Variants in ANKS1B observed in about 807,000 individuals in gnomAD.
ANKS1B encodes the protein ankyrin repeat and sterile alpha motif domain-containing protein 1B.
In ANKS1B, 36 loss-of-function variants were observed where a neutral mutation model predicts 148.3. That is an observed-to-expected ratio of 0.24 (90% CI 0.19 to 0.32). The LOEUF is 0.32. ANKS1B is among the 10% of genes least tolerant of loss of function. The pLI is 1.00. For synonymous variants in ANKS1B, 542 were observed against 560.8 expected, an observed-to-expected ratio of 0.97 and a Z score of 0.47; for missense variants, 1,157 against 1,542.6, an observed-to-expected ratio of 0.75 and a Z score of 4.19.
At chr12:99,688,791 T>C (rs975910316) in intron 8 of ANKS1B, among the ~76,000 whole-genome samples, 1 of 151,882 alleles carries the variant, frequency 6.6e-6, no homozygotes, top group Non-Finnish European at 1.5e-5. Context: ...CAGTGAGCTA[T>C]GATTGCACCA....
At chr12:99,775,996 C>T (rs910446574) in intron 6 of ANKS1B, among the ~76,000 whole-genome samples, 1 of 152,138 alleles carries the variant, frequency 6.6e-6, no homozygotes, top group African/African-American at 2.4e-5. Context: ...TATTTTCCAT[C>T]TGAAGATTTT....
intron 17 of ANKS1B, among the ~76,000 whole-genome samples, chr12:98,907,716 G>A (rs1461197724): frequency 2.6e-5 from 4 of 152,146 alleles, no homozygotes; most frequent in African/African-American, 9.7e-5. Flanking sequence ...ATCTCATCTT[G>A]AATTGTAGCT....
intron 1 of ANKS1B, among the ~76,000 whole-genome samples, chr12:99,918,935 A>G (rs3844212): frequency 0.61 from 92,178 of 151,974 alleles, 29,116 homozygotes; most frequent in Middle Eastern, 0.7. Flanking sequence ...GCATTTTTGA[A>G]CAACAGTTAA....
intron 14 of ANKS1B, among the ~76,000 whole-genome samples, chr12:99,208,342 T>G (rs1246686214): frequency 1.3e-5 from 2 of 152,150 alleles, no homozygotes; most frequent in Non-Finnish European, 2.9e-5. Flanking sequence ...CCTATTTTGA[T>G]CAAATGTTTT....
chr12:99,377,366 G>A (rs936985920), intron 12 of ANKS1B, among the ~76,000 whole-genome samples: 6 of 151,994 alleles, frequency 3.9e-5, no homozygotes, highest in Non-Finnish European at 5.9e-5. Flanking sequence ...AACAAAATGC[G>A]GTTTCTATTA....
chr12:98,957,867 G>A (rs2099865107), intron 17 of ANKS1B, among the ~76,000 whole-genome samples: 1 of 152,164 alleles, frequency 6.6e-6, no homozygotes, highest in Non-Finnish European at 1.5e-5. Flanking sequence ...AGATGGCAGA[G>A]TGACTGCCTT....
chr12:99,375,000 A>G (rs1366936864), intron 12 of ANKS1B, among the ~76,000 whole-genome samples: 1 of 152,172 alleles, frequency 6.6e-6, no homozygotes, highest in African/African-American at 2.4e-5. Flanking sequence ...TCCCAATGGG[A>G]CACATTCTGT....
At chr12:98,794,735 G>A (rs1443715195) in intron 22 of ANKS1B, 2 of 997,290 alleles carry the variant, frequency 2.0e-6, no homozygotes, top group South Asian at 1.3e-5. Flanking sequence ...ATACCAGTGA[G>A]AGCTATGGAA....
At chr12:99,298,028 T>C (rs1001854684) in intron 12 of ANKS1B, among the ~76,000 whole-genome samples, 1 of 152,124 alleles carries the variant, frequency 6.6e-6, no homozygotes, top group South Asian at 2.1e-4. Flanking sequence ...CAGAAACAAT[T>C]TGAATGAAGA....
chr12:98,951,306 G>T (rs1262888647), intron 17 of ANKS1B, among the ~76,000 whole-genome samples: 8 of 152,142 alleles, frequency 5.3e-5, no homozygotes, highest in Non-Finnish European at 1.2e-4. Flanking sequence ...TCACTTCTAT[G>T]TTTCTATTAA....
rs184258928 is a variant in ANKS1B at position 99,585,031 on chromosome 12, C to T, written c.1272+70036G>A. Among the ~76,000 whole-genome samples, 12 of 152,264 alleles carry T rather than the reference C, an allele frequency of 7.9e-5. No homozygotes were observed. The East Asian group carries it at 2.3e-3, about 29-fold the overall frequency. On this transcript the variant is annotated intron_variant, in intron 9 of 26. Transcript: ENST00000683438. ...TCTCGCATTTCAAAACACAGTCATG[C>T]CTTTCCAACAGTGCCTCAATATCTT... is the stretch of plus-strand genomic sequence containing the variant.
chr12:98,794,705 C>A, intron 22 of ANKS1B: 2 of 949,502 alleles, frequency 2.1e-6, no homozygotes, highest in Admixed American at 1.7e-5. Context: ...ATTTGAAAAC[C>A]GTAGAAATGA....
At chr12:99,401,249 G>A (rs1417653192) in intron 11 of ANKS1B, among the ~76,000 whole-genome samples, 3 of 145,664 alleles carry the variant, frequency 2.1e-5, no homozygotes, top group Non-Finnish European at 4.5e-5. Context: ...TCTGTCCTTG[G>A]GACTGCTGAA....
intron 12 of ANKS1B, among the ~76,000 whole-genome samples, chr12:99,288,929 G>A (rs2079521724): frequency 6.6e-6 from 1 of 151,962 alleles, no homozygotes; most frequent in Non-Finnish European, 1.5e-5. Flanking sequence ...GAATGTAAAT[G>A]GACTGAACTT....
intron 14 of ANKS1B, among the ~76,000 whole-genome samples, chr12:99,172,666 A>G (rs2077913821): frequency 6.6e-6 from 1 of 152,164 alleles, no homozygotes; most frequent in African/African-American, 2.4e-5. Context: ...CTTGATAGCC[A>G]TGGCAAATGA....
intron 19 of ANKS1B, among the ~76,000 whole-genome samples, chr12:98,811,386 C>G (rs1472324465): frequency 1.3e-5 from 2 of 152,156 alleles, no homozygotes; most frequent in South Asian, 2.1e-4. Context: ...TCACACAGAA[C>G]AGTAGAAGGG....
chr12:99,322,500 GA>G (rs995373964), intron 12 of ANKS1B, among the ~76,000 whole-genome samples: 4 of 144,784 alleles, frequency 2.8e-5, no homozygotes, highest in East Asian at 4.0e-4. Context: ...AAAAGAAAAA[GA>G]AAAAAATCTC....
chr12:98,748,512 T>C (rs1170188678), intron 26 of ANKS1B, among the ~76,000 whole-genome samples: 1 of 152,212 alleles, frequency 6.6e-6, no homozygotes, highest in Non-Finnish European at 1.5e-5. Context: ...TCTCAGAGCC[T>C]GAGGTTGTGG....
intron 1 of ANKS1B, among the ~76,000 whole-genome samples, chr12:99,873,998 A>C (rs1328345763): frequency 2.1e-5 from 3 of 144,104 alleles, no homozygotes; most frequent in Admixed American, 1.3e-4. Flanking sequence ...TAAAATAAAT[A>C]AATCTCTCTC....
Sources: gnomAD v4.1 joint callset for allele counts (sites outside exome capture counted in the v4.1 genomes callset) on GRCh38, gnomAD v4.1.1 for gene constraint, MANE v1.5 for transcripts, NCBI Gene and HGNC (gene_info 2026-07-23, HGNC 2026-07-21) for gene names.